Variants in AIM2 observed in about 807,000 individuals in gnomAD.
The protein encoded by AIM2 is interferon-inducible protein AIM2.
A neutral mutation model predicts 27.7 loss-of-function variants in AIM2; 30 were observed. The observed-to-expected ratio is 1.08, with a 90% CI of 0.81 to 1.47. The LOEUF is 1.47. AIM2 is among the 40% of genes most tolerant of loss of function. The probability of loss-of-function intolerance (pLI) is 0.00; values close to 1 mark genes in which losing one functional copy is unlikely to be tolerated. For synonymous variants in AIM2, 141 were observed against 145.3 expected (o/e 0.97, Z 0.21); for missense variants, 358 against 411.3 (o/e 0.87, Z 1.12).
intron 1 of AIM2, among the ~76,000 whole-genome samples, chr1:159,104,533 A>T (rs1476396161): frequency 6.6e-6 from 1 of 152,242 alleles, no homozygotes; most frequent in Non-Finnish European, 1.5e-5. Flanking sequence ...TATCATTCAA[A>T]TTGAGATGTG....
chr1:159,081,563 T>C, upstream of AIM2: 2 of 493,212 alleles, frequency 4.1e-6, no homozygotes, highest in South Asian at 1.5e-5. Context: ...CTCAGGCTCT[T>C]GAGTATTGAT....
chr1:159,116,239 T>TGTAAACTA (rs1647347824), intron 1 of AIM2, among the ~76,000 whole-genome samples: 1 of 152,180 alleles, frequency 6.6e-6, no homozygotes, highest in African/African-American at 2.4e-5. Context: ...TTGGTGGGAC[T>TGTAAACTA]GTAAACTAGT....
rs577568842 is a variant in AIM2 at position 159,087,663 on chromosome 1, C to T, written c.-15-21334G>A. 3.7e-3 allele frequency among the ~76,000 whole-genome samples: 560 copies of T among 151,082 alleles called. 1 individual carries two copies. Among genetic ancestry groups the T allele is most frequent in the African/African-American group, 0.012 (511 of 41,014 alleles). ...TCTCGGCTCACTGCAACCTCTGCCTCCTGGGTTCAAGCGATTCTCATGCTT... is the reference window on the plus strand; with the variant it reads ...TCTCGGCTCACTGCAACCTCTGCCTTCTGGGTTCAAGCGATTCTCATGCTT... On this transcript the variant is annotated intron_variant, in intron 1 of 2. Coordinates refer to the AIM2 transcript ENST00000368129.
upstream of AIM2, among the ~76,000 whole-genome samples, chr1:159,141,823 C>A (rs917959564): frequency 2.0e-5 from 3 of 152,084 alleles, no homozygotes; most frequent in African/African-American, 4.8e-5. Context: ...GATCCACCAG[C>A]CGGCTTCATC....
At chr1:159,081,630 A>C (rs1002224079), upstream of AIM2, 9 of 329,954 alleles carry the variant, frequency 2.7e-5, no homozygotes, top group Non-Finnish European at 5.6e-5. Context: ...GGGTCACCAT[A>C]ACCTTGGTAA....
intron 1 of AIM2, among the ~76,000 whole-genome samples, chr1:159,087,426 C>T (rs1351782680): frequency 6.6e-6 from 1 of 151,986 alleles, no homozygotes; most frequent in African/African-American, 2.4e-5. Context: ...TACCTGAAGA[C>T]AAGGATGGGG....
At chr1:159,133,698 C>T (rs183651216) in intron 1 of AIM2, among the ~76,000 whole-genome samples, 1 of 152,162 alleles carries the variant, frequency 6.6e-6, no homozygotes, top group African/African-American at 2.4e-5. Flanking sequence ...TTCTTATATA[C>T]TTCTTTCCCT....
At chr1:159,110,806 T>A (rs1657553170) in intron 1 of AIM2, among the ~76,000 whole-genome samples, 2 of 152,188 alleles carry the variant, frequency 1.3e-5, no homozygotes, top group Non-Finnish European at 2.9e-5. Context: ...ACATATTAAT[T>A]TTTTTAGTGG....
At chr1:159,065,068 T>G (rs1007171387) in intron 4 of AIM2, among the ~76,000 whole-genome samples, 3 of 152,132 alleles carry the variant, frequency 2.0e-5, no homozygotes, top group Non-Finnish European at 2.9e-5. Context: ...TGGAGAGTCT[T>G]CCTATCAATT....
At chr1:159,120,358 A>T (rs1647500483) in intron 1 of AIM2, among the ~76,000 whole-genome samples, 1 of 152,200 alleles carries the variant, frequency 6.6e-6, no homozygotes, top group South Asian at 2.1e-4. Flanking sequence ...TATGCAATTC[A>T]GTCAATTTTT....
At chr1:159,131,752 T>C (rs1237458380) in intron 1 of AIM2, among the ~76,000 whole-genome samples, 2 of 152,218 alleles carry the variant, frequency 1.3e-5, no homozygotes, top group Non-Finnish European at 2.9e-5. Flanking sequence ...TACTGCTCAA[T>C]CTACACAGTT....
chr1:159,117,491 T>G (rs929944561), intron 1 of AIM2, among the ~76,000 whole-genome samples: 3 of 152,204 alleles, frequency 2.0e-5, no homozygotes, highest in African/African-American at 7.2e-5. Flanking sequence ...AGCACCAGGC[T>G]ATCCAGTAAT....
At chr1:159,100,849 AT>A (rs1394881295) in intron 1 of AIM2, among the ~76,000 whole-genome samples, 1 of 152,190 alleles carries the variant, frequency 6.6e-6, no homozygotes, top group East Asian at 1.9e-4. Flanking sequence ...TTCAAGTGAG[AT>A]AATGGAAGTG....
intron 1 of AIM2, among the ~76,000 whole-genome samples, chr1:159,108,658 G>A (rs979366253): frequency 6.6e-6 from 1 of 152,070 alleles, no homozygotes; most frequent in African/African-American, 2.4e-5. Flanking sequence ...GACTCCTCCA[G>A]AAAGCTCCTA....
At chr1:159,062,353 C>A, downstream of AIM2, 1 of 311,258 alleles carries the variant, frequency 3.2e-6, no homozygotes, top group South Asian at 4.1e-5. Flanking sequence ...TAATTCTTCC[C>A]TCTTGTATTT....
upstream of AIM2, among the ~76,000 whole-genome samples, chr1:159,080,504 A>G (rs1656752603): frequency 6.6e-6 from 1 of 152,232 alleles, no homozygotes; most frequent in Admixed American, 6.5e-5. Context: ...ATCACAAGTA[A>G]AAGCAAACAC....
chr1:159,103,277 T>G (rs1370422777), intron 1 of AIM2, among the ~76,000 whole-genome samples: 1 of 152,264 alleles, frequency 6.6e-6, no homozygotes, highest in Non-Finnish European at 1.5e-5. Flanking sequence ...CATTCAGAAC[T>G]GTGAGTCAAT....
chr1:159,134,151 C>T (rs1647966212), intron 1 of AIM2, among the ~76,000 whole-genome samples: 1 of 152,204 alleles, frequency 6.6e-6, no homozygotes, highest in African/African-American at 2.4e-5. Flanking sequence ...TCAACAAATC[C>T]TGCATGTTTT....
At chr1:159,138,421 A>T (rs1416619278) in intron 1 of AIM2, among the ~76,000 whole-genome samples, 2 of 152,142 alleles carry the variant, frequency 1.3e-5, no homozygotes, top group East Asian at 3.8e-4. Flanking sequence ...GTCTTCCACA[A>T]CCATCATTCA....
Sources: gnomAD v4.1 joint callset for allele counts (sites outside exome capture counted in the v4.1 genomes callset) on GRCh38, gnomAD v4.1.1 for gene constraint, MANE v1.5 for transcripts, NCBI Gene and HGNC (gene_info 2026-07-23, HGNC 2026-07-21) for gene names.